CPEB3: variants seen among roughly 807,000 people sequenced by gnomAD.
CPEB3 encodes the protein cytoplasmic polyadenylation element binding protein 3.
In CPEB3, 20 loss-of-function variants were observed where a neutral mutation model predicts 67.2. That is an observed-to-expected ratio of 0.30 (90% CI 0.21 to 0.43). The LOEUF (loss-of-function observed/expected upper bound fraction) is 0.43. Ranked by LOEUF, CPEB3 falls within the 20% of genes least tolerant of loss-of-function variation. The pLI is 1.00. For synonymous variants in CPEB3, 376 were observed against 393.1 expected (o/e 0.96, Z 0.51); for missense variants, 746 against 968.6 (o/e 0.77, Z 3.05).
intron 1 of CPEB3, among the ~76,000 whole-genome samples, chr10:92,249,649 T>TAAAAATA (rs887214250): frequency 6.9e-6 from 1 of 145,320 alleles, no homozygotes; most frequent in Admixed American, 6.8e-5. Context: ...CTCTCAAAAA[T>TAAAAATA]AAAAATAAAA....
intron 9 of CPEB3, among the ~76,000 whole-genome samples, chr10:92,066,740 A>G (rs796762757): frequency 1.1e-4 from 17 of 152,298 alleles, no homozygotes; most frequent in African/African-American, 3.8e-4. Context: ...AGACAATACA[A>G]AGAATGTCTA....
intron 1 of CPEB3, among the ~76,000 whole-genome samples, chr10:92,287,927 G>T (rs557644700): frequency 6.6e-6 from 1 of 151,932 alleles, no homozygotes; most frequent in African/African-American, 2.4e-5. Context: ...TCTACTTTCC[G>T]TCTCTATGGA....
At chr10:92,124,004 C>T (rs1845506009) in intron 6 of CPEB3, among the ~76,000 whole-genome samples, 1 of 152,178 alleles carries the variant, frequency 6.6e-6, no homozygotes, top group Non-Finnish European at 1.5e-5. Context: ...CAGCAAGTCC[C>T]AACCCAAGCT....
chr10:92,063,052 C>A (rs1259887971), intron 9 of CPEB3, among the ~76,000 whole-genome samples: 1 of 152,144 alleles, frequency 6.6e-6, no homozygotes, highest in African/African-American at 2.4e-5. Context: ...TGATATGGAG[C>A]CTTAGATGAG....
intron 1 of CPEB3, among the ~76,000 whole-genome samples, chr10:92,256,311 A>G (rs1456947811): frequency 1.3e-5 from 2 of 152,036 alleles, no homozygotes. Flanking sequence ...TCATTCGAAC[A>G]TAGTTTTACC....
At chr10:92,077,947 A>T (rs1842999689) in intron 9 of CPEB3, among the ~76,000 whole-genome samples, 1 of 152,030 alleles carries the variant, frequency 6.6e-6, no homozygotes, top group African/African-American at 2.4e-5. Context: ...CAGTATTCCC[A>T]CTCAGATGAC....
At chr10:92,074,811 C>T (rs780664446) in intron 9 of CPEB3, among the ~76,000 whole-genome samples, 6 of 152,248 alleles carry the variant, frequency 3.9e-5, no homozygotes, top group Non-Finnish European at 7.4e-5. Flanking sequence ...AGCTCGCTCT[C>T]GTTGCTGTGT....
chr10:92,227,017 T>C (rs144427111), intron 2 of CPEB3, among the ~76,000 whole-genome samples: 4 of 152,330 alleles, frequency 2.6e-5, no homozygotes, highest in African/African-American at 7.2e-5. Flanking sequence ...AATAATACTT[T>C]GTTCATCTGA....
chr10:92,155,308 C>T (rs916117632), intron 4 of CPEB3, among the ~76,000 whole-genome samples: 1 of 152,174 alleles, frequency 6.6e-6, no homozygotes, highest in Non-Finnish European at 1.5e-5. Context: ...AAGTAACATA[C>T]ATCAGCAAGC....
At chr10:92,216,683 A>G (rs879127014) in intron 2 of CPEB3, 4 of 1,605,938 alleles carry the variant, frequency 2.5e-6, no homozygotes, top group South Asian at 2.2e-5. Flanking sequence ...GGGTGCAGCC[A>G]CAGGCTCCAA....
At chr10:92,164,754 A>G (rs1048739708) in intron 4 of CPEB3, among the ~76,000 whole-genome samples, 5 of 152,232 alleles carry the variant, frequency 3.3e-5, no homozygotes, top group Non-Finnish European at 7.3e-5. Context: ...TTTCAAATCT[A>G]TAAAGACCTT....
chr10:92,186,115 T>C (rs1296801581), intron 3 of CPEB3, among the ~76,000 whole-genome samples: 1 of 148,346 alleles, frequency 6.7e-6, no homozygotes. Flanking sequence ...TTCACACCTG[T>C]AATCCAGGCA....
intron 6 of CPEB3, among the ~76,000 whole-genome samples, chr10:92,140,166 A>G (rs1431294020): frequency 6.6e-6 from 1 of 152,148 alleles, no homozygotes; most frequent in Non-Finnish European, 1.5e-5. Context: ...AAGAGCCCAC[A>G]TCGCCAAGTC....
intron 8 of CPEB3, among the ~76,000 whole-genome samples, chr10:92,091,237 T>C (rs1450487384): frequency 2.7e-5 from 4 of 148,596 alleles, no homozygotes; most frequent in Non-Finnish European, 6.1e-5. Flanking sequence ...AAAAATAAAC[T>C]TAATTATTCT....
intron 6 of CPEB3, among the ~76,000 whole-genome samples, chr10:92,114,235 A>G (rs1844891808): frequency 6.6e-6 from 1 of 152,226 alleles, no homozygotes; most frequent in African/African-American, 2.4e-5. Context: ...TGATATCTTC[A>G]CCTGCTAAAA....
At chr10:92,222,343 C>A (rs1169212825) in intron 2 of CPEB3, among the ~76,000 whole-genome samples, 2 of 151,906 alleles carry the variant, frequency 1.3e-5, no homozygotes, top group African/African-American at 4.8e-5. Context: ...AGTTCTAAAC[C>A]TTTTTAATGT....
At chr10:92,144,885 G>T in intron 5 of CPEB3, 60 bp downstream of exon 5, 1 of 1,495,152 alleles carries the variant, frequency 6.7e-7, no homozygotes. Flanking sequence ...GGAGAGGCAG[G>T]GTCAGAACAC....
intron 9 of CPEB3, among the ~76,000 whole-genome samples, chr10:92,058,608 T>A (rs56156226): frequency 2.7e-5 from 4 of 149,426 alleles, no homozygotes; most frequent in African/African-American, 7.4e-5. Flanking sequence ...TATATATATA[T>A]AAATTAATTA....
At chr10:92,080,888 C>T (rs991838350) in intron 9 of CPEB3, among the ~76,000 whole-genome samples, 1 of 152,122 alleles carries the variant, frequency 6.6e-6, no homozygotes, top group Non-Finnish European at 1.5e-5. Context: ...TGTGAGCCAC[C>T]GCGCCCGGTC....
Sources: allele counts gnomAD v4.1 joint callset (sites outside exome capture counted in the v4.1 genomes callset), GRCh38; gene constraint gnomAD v4.1.1; transcripts MANE v1.5; gene names NCBI Gene and HGNC (gene_info 2026-07-23, HGNC 2026-07-21).